REXO2: variants seen among roughly 807,000 people sequenced by gnomAD.
REXO2 encodes the protein RNA exonuclease 2.
REXO2 carries 17 observed loss-of-function variants against 30.9 expected under a neutral mutation model. That is an observed-to-expected ratio of 0.55 (90% confidence interval 0.38 to 0.82). The LOEUF (loss-of-function observed/expected upper bound fraction) is 0.82, where lower values mean the gene tolerates loss of function less well. REXO2 is among the 40% of genes least tolerant of loss of function. REXO2 has a pLI of 0.00. For synonymous variants in REXO2, 105 were observed against 99.6 expected (o/e 1.05, Z -0.32); for missense variants, 253 against 293.2 (o/e 0.86, Z 1.00).
chr11:114,441,839 G>A (rs1946480562), intron 2 of REXO2: 1 of 684,544 alleles, frequency 1.5e-6, no homozygotes, highest in South Asian at 1.6e-5. Context: ...AGAATCATGA[G>A]ACTTTGTACT....
chr11:114,447,381 T>C (rs1456609158), intron 5 of REXO2, among the ~76,000 whole-genome samples: 7 of 152,180 alleles, frequency 4.6e-5, no homozygotes, highest in Non-Finnish European at 1.0e-4. Flanking sequence ...AGGTATAATG[T>C]TATTCTGATG....
intron 4 of REXO2, 28 bp downstream of exon 4, chr11:114,444,680 T>C (rs370303369): frequency 2.5e-5 from 35 of 1,415,572 alleles, no homozygotes; most frequent in African/African-American, 1.6e-4. Context: ...GTATATCTTA[T>C]AGTCTTCCAT....
Position 114,444,667 on chromosome 11 carries a change from TGTGTATATCTTATA to T in REXO2, c.421+18_421+31del. The T allele has an allele frequency of 6.6e-7, 1 of 1,505,356 alleles. No individual in the cohort carries two copies. The highest frequency in any genetic ancestry group is 1.3e-5 in the South Asian group (1 of 79,646). The allele number at this position is 1,505,356 out of a possible 1,614,324, so 93.2% of individuals were successfully genotyped here. A position where few individuals can be genotyped will look rare whatever the true frequency, so the allele number is the denominator to read the frequency against. ...TCCACTTGCAGGTAAAATCCAATCCTGTGTATATCTTATAGTCTTCCATATGTAGTGGTTCAAGA... is the reference window on the plus strand; with the variant it reads ...TCCACTTGCAGGTAAAATCCAATCCTGTCTTCCATATGTAGTGGTTCAAGA... On this transcript the variant is annotated intron_variant, in intron 4 of 6. Transcript: ENST00000265881.
chr11:114,445,258 T>C (rs900083151), intron 4 of REXO2: 4 of 152,216 alleles, frequency 2.6e-5, no homozygotes, highest in African/African-American at 9.6e-5. Flanking sequence ...ATTTTTCCCC[T>C]GTGTCATTGA....
intron 3 of REXO2, chr11:114,444,192 C>T (rs1196384450): frequency 3.3e-6 from 2 of 615,016 alleles, no homozygotes; most frequent in Non-Finnish European, 6.1e-6. Context: ...AAGTATTACT[C>T]AAGTCAGTCT....
At chr11:114,445,145 T>A (rs1946503854) in intron 4 of REXO2, 1 of 152,246 alleles carries the variant, frequency 6.6e-6, no homozygotes, top group Admixed American at 6.5e-5. Flanking sequence ...CCACATTAGA[T>A]GTTCCCCAAA....
chr11:114,445,939 C>A, intron 4 of REXO2, 40 bp from the exon 5 acceptor site: 2 of 1,061,596 alleles, frequency 1.9e-6, no homozygotes, highest in Non-Finnish European at 2.9e-6. Flanking sequence ...TTGTATAATA[C>A]TAGAAATATA....
At chr11:114,440,247 C>G in intron 1 of REXO2, 1 of 426,196 alleles carries the variant, frequency 2.3e-6, no homozygotes, top group South Asian at 1.7e-5. Context: ...CGTTGAGCCT[C>G]AGTTTATATG....
chr11:114,440,158 A>G (rs1591209963), intron 1 of REXO2: 2 of 462,210 alleles, frequency 4.3e-6, no homozygotes, highest in East Asian at 1.4e-4. Flanking sequence ...TCGTGCTGTT[A>G]GTGAGAGTCT....
intron 6 of REXO2, among the ~76,000 whole-genome samples, chr11:114,448,244 C>T (rs909156948): frequency 5.3e-5 from 8 of 152,078 alleles, no homozygotes; most frequent in Non-Finnish European, 1.2e-4. Context: ...AATACAGTTG[C>T]CTACTTTGAC....
At chr11:114,443,271 T>C (rs1284898731) in intron 2 of REXO2, among the ~76,000 whole-genome samples, 1 of 149,574 alleles carries the variant, frequency 6.7e-6, no homozygotes, top group Non-Finnish European at 1.5e-5. Flanking sequence ...CAGGCCCACC[T>C]AATTTTTTTT....
At chr11:114,448,713 A>C (rs1406820549) in intron 6 of REXO2, among the ~76,000 whole-genome samples, 1 of 152,248 alleles carries the variant, frequency 6.6e-6, no homozygotes, top group Non-Finnish European at 1.5e-5. Context: ...AGCCCATAAT[A>C]AAACACATAG....
Position 114,444,665 on chromosome 11 carries a change from C to T in REXO2, c.421+13C>T. 1 of 1,518,422 alleles carries T rather than the reference C, an allele frequency of 6.6e-7. No homozygotes were observed. The highest frequency in any genetic ancestry group is 1.2e-5 in the South Asian group (1 of 81,024). 94.1% of individuals were successfully genotyped at this position (1,518,422 alleles called of 1,614,324 possible). On this transcript the variant is annotated intron_variant, in intron 4 of 6. Coordinates refer to ENST00000265881, the MANE Select transcript of REXO2 (RefSeq NM_015523.4). ...TGTCCACTTGCAGGTAAAATCCAAT[C>T]CTGTGTATATCTTATAGTCTTCCAT... is the stretch of plus-strand genomic sequence containing the variant.
chr11:114,441,674 T>A, intron 2 of REXO2: 1 of 700,116 alleles, frequency 1.4e-6, no homozygotes. Flanking sequence ...GAGGGTAGCA[T>A]TGATATGTTA....
chr11:114,448,212 C>T (rs1946521626), intron 6 of REXO2, among the ~76,000 whole-genome samples: 1 of 152,154 alleles, frequency 6.6e-6, no homozygotes, highest in Admixed American at 6.5e-5. Flanking sequence ...GAAATTAGAA[C>T]ACTTTTTGTG....
In REXO2 at chr11:114,447,451, A is replaced by G. The variant is rs983447446; in HGVS notation, c.531-375A>G. Among the ~76,000 whole-genome samples, 3 of 152,168 alleles carry G rather than the reference A, an allele frequency of 2.0e-5. No individual in the cohort carries two copies. In the South Asian group the frequency reaches 6.2e-4, roughly 32 times the overall value. On this transcript the variant is annotated intron_variant, in intron 5 of 6. Coordinates refer to ENST00000265881, the MANE Select transcript of REXO2 (RefSeq NM_015523.4). Reference sequence around the variant, plus strand: ...GTGTTCAAATAAAAAGGAGAAGAAGAAGAGTAGATATGGTGGATGGGGCAG... The same window carrying G: ...GTGTTCAAATAAAAAGGAGAAGAAGGAGAGTAGATATGGTGGATGGGGCAG...
At position 114,447,877 on chromosome 11, in the gene REXO2, T is replaced by C; in HGVS notation, c.582T>C (p.His194=). The change falls in exon 6 of 7, where the codon CAT becomes CAC. Residue 194 remains histidine, a splice_region_variant and synonymous_variant. Transcript: ENST00000265881. ...YEFAPKKAAS[H]RALDDISESI... ...TTGCACCAAAGAAGGCTGCTTCTCA[T>C]AGGTAAGTTTGAGTTCTACCAAGCG... is the stretch of plus-strand genomic sequence containing the variant. 4 of 1,613,640 alleles carry C rather than the reference T, an allele frequency of 2.5e-6. No individual in the cohort carries two copies. The highest frequency in any genetic ancestry group is 3.4e-6 in the Non-Finnish European group (4 of 1,179,726).
At position 114,444,668 on chromosome 11, in the gene REXO2, G is replaced by T. The variant is rs757453389; in HGVS notation, c.421+16G>T. 3 of 1,505,378 alleles carry T rather than the reference G, an allele frequency of 2.0e-6. No individual in the cohort carries two copies. The highest frequency in any genetic ancestry group is 2.1e-5 in the Admixed American group (1 of 47,714). 93.3% of individuals were successfully genotyped at this position (1,505,378 alleles called of 1,614,324 possible). A position where few individuals can be genotyped will look rare whatever the true frequency, so the allele number is the denominator to read the frequency against. ...CCACTTGCAGGTAAAATCCAATCCT[G>T]TGTATATCTTATAGTCTTCCATATG... On this transcript the variant is annotated intron_variant, in intron 4 of 6. Transcript: ENST00000265881.
chr11:114,445,297 C>T (rs746706756), intron 4 of REXO2: 1 of 152,156 alleles, frequency 6.6e-6, no homozygotes, highest in African/African-American at 2.4e-5. Context: ...CCTGTTCTAC[C>T]AGGATTTTTA....
Sources: allele counts gnomAD v4.1 joint callset (sites outside exome capture counted in the v4.1 genomes callset), GRCh38; gene constraint gnomAD v4.1.1; transcripts MANE v1.5; gene names NCBI Gene and HGNC (gene_info 2026-07-23, HGNC 2026-07-21).